The following LRRC4B variants were observed in gnomAD, a reference collection of about 807,000 sequenced individuals.
The protein encoded by LRRC4B is leucine-rich repeat-containing protein 4B.
LRRC4B carries 1 observed loss-of-function variant against 7.3 expected under a neutral mutation model. The observed-to-expected ratio is 0.14, with a 90% CI of 0.05 to 0.65. The LOEUF is 0.65. Ranked by LOEUF, LRRC4B falls within the 30% of genes least tolerant of loss-of-function variation. The pLI, the probability that LRRC4B is intolerant of heterozygous loss-of-function variation, is 0.84. For synonymous variants in LRRC4B, 500 were observed against 499.2 expected, an observed-to-expected ratio of 1.00 and a Z score of -0.02; for missense variants, 730 against 1,041.6, an observed-to-expected ratio of 0.70 and a Z score of 4.12.
At chr19:50,523,400 G>A (rs796563535) in intron 2 of LRRC4B, among the ~76,000 whole-genome samples, 10 of 152,246 alleles carry the variant, frequency 6.6e-5, no homozygotes, top group African/African-American at 2.2e-4. Context: ...AAAAGAGGCC[G>A]GGCGTGGTGG....
At chr19:50,535,704 C>T (rs1277830207) in intron 2 of LRRC4B, among the ~76,000 whole-genome samples, 2 of 152,166 alleles carry the variant, frequency 1.3e-5, no homozygotes, top group Non-Finnish European at 2.9e-5. Context: ...CTGCAGGGGC[C>T]GTTGTGGGCC....
Position 50,548,738 on chromosome 19 carries a change from A to G in LRRC4B, c.101T>C (p.Leu34Pro). The G allele has an allele frequency of 6.5e-7, 1 of 1,539,426 alleles. No homozygotes were observed. Among genetic ancestry groups the G allele is most frequent in the Non-Finnish European group, 8.7e-7 (1 of 1,146,646 alleles). ...GGCCACTCCACCTCCACCGGCCCCC[A>G]GGGGTGGGGAGAAGAGCCAGAGGAA... ...LLFLWLFSPPLGAGGGGVAVT... is the reference protein window; with the variant it reads ...LLFLWLFSPPPGAGGGGVAVT... The change falls in exon 2 of 3, where the codon CTG becomes CCG. Residue 34 changes from leucine to proline, a missense_variant. Leu to Pro is a moderately conservative substitution (Grantham distance 98, BLOSUM62 -3). Around this residue, in one of 6 missense-constraint regions of LRRC4B, gnomAD observed 143 missense variants for 158.4 expected, o/e 0.90. Transcript: ENST00000652263. This position sits in a 1 kb window ranked among gnomAD's most constrained non-coding sequence, Gnocchi z 6.8.
At chr19:50,564,043 C>T (rs1475347528) in intron 1 of LRRC4B, among the ~76,000 whole-genome samples, 2 of 151,916 alleles carry the variant, frequency 1.3e-5, no homozygotes, top group Non-Finnish European at 2.9e-5. Context: ...GGTGACAGGG[C>T]ACAAAGAGAT....
chr19:50,532,558 GTCC>G (rs1195032453), intron 2 of LRRC4B, among the ~76,000 whole-genome samples: 1 of 152,112 alleles, frequency 6.6e-6, no homozygotes, highest in African/African-American at 2.4e-5. Context: ...TTTCTATACT[GTCC>G]TCCTCCTTGT....
intron 2 of LRRC4B, among the ~76,000 whole-genome samples, chr19:50,523,830 G>A (rs1473185272): frequency 1.3e-5 from 2 of 151,462 alleles, no homozygotes; most frequent in Non-Finnish European, 2.9e-5. Flanking sequence ...ATGGTGGCAG[G>A]TGCCTGTAAT....
chr19:50,518,033 C>A lies in LRRC4B; in HGVS notation c.1680G>T (p.Val560=). The A allele has an allele frequency of 6.4e-7, 1 of 1,558,490 alleles. No individual in the cohort carries two copies. The highest frequency in any genetic ancestry group is 1.2e-5 in the South Asian group (1 of 82,754). Residue 560 remains valine (V), a synonymous_variant, in exon 3 of 3, where the codon GTG becomes GTT. Transcript: ENST00000652263. ...CCAGGTCCTTGAGGGCGTTCTCCGT[C>A]ACATCCGTGATGGGCACCGTGAACG... The part of the protein sequence containing the change: ...EKAFTVPITD[V]TENALKDLDD...
Position 50,548,299 on chromosome 19 carries a change from T to G in LRRC4B, c.297+243A>C, listed in dbSNP as rs1981897541. 6.6e-6 allele frequency among the ~76,000 whole-genome samples: 1 copy of G among 152,194 alleles called. No individual in the cohort carries two copies. Among genetic ancestry groups the G allele is most frequent in the Non-Finnish European group, 1.5e-5 (1 of 68,018 alleles). ...TGCCGGGGGGGCTGGGCAGGTGGCC[T>G]GCACTTGGGCCCCGACACGGTGGCT... On this transcript the variant is annotated intron_variant, in intron 2 of 2. Coordinates refer to ENST00000652263, the MANE Select transcript of LRRC4B (RefSeq NM_001080457.2). The surrounding 1 kb of genome is among the most constrained non-coding windows in gnomAD (Gnocchi z 6.8).
chr19:50,535,058 C>CG (rs1981211345), intron 2 of LRRC4B, among the ~76,000 whole-genome samples: 3 of 151,818 alleles, frequency 2.0e-5, no homozygotes, highest in Non-Finnish European at 1.5e-5. Flanking sequence ...TTAGTAGAGA[C>CG]AGGGTTTCAC....
At chr19:50,529,777 G>C (rs1980968268) in intron 2 of LRRC4B, among the ~76,000 whole-genome samples, 1 of 152,164 alleles carries the variant, frequency 6.6e-6, no homozygotes, top group Non-Finnish European at 1.5e-5. Flanking sequence ...TCCAGCCTGG[G>C]CAACAGAGTG....
At chr19:50,566,830 AAGGTCATAGAAGGATGT>A (rs1486013212) in intron 1 of LRRC4B, among the ~76,000 whole-genome samples, 1 of 150,196 alleles carries the variant, frequency 6.7e-6, no homozygotes, top group East Asian at 2.0e-4. Context: ...TGGGTGATGA[AAGGTCATAGAAGGATGT>A]TTCAGAGAGT....
At chr19:50,554,445 C>T (rs1031453356) in intron 1 of LRRC4B, among the ~76,000 whole-genome samples, 2 of 152,140 alleles carry the variant, frequency 1.3e-5, no homozygotes, top group Admixed American at 6.5e-5. Flanking sequence ...AGCGCAGCTC[C>T]GTGCACCCAG....
intron 2 of LRRC4B, among the ~76,000 whole-genome samples, chr19:50,529,320 A>G (rs1980951544): frequency 6.6e-6 from 1 of 152,080 alleles, no homozygotes; most frequent in Admixed American, 6.6e-5. Flanking sequence ...GTTTTCCCAA[A>G]CATAATACAC....
intron 2 of LRRC4B, among the ~76,000 whole-genome samples, chr19:50,521,385 C>G (rs1409864446): frequency 6.6e-6 from 1 of 152,114 alleles, no homozygotes; most frequent in East Asian, 1.9e-4. Context: ...CCAAACTACA[C>G]TTAAAATGAG....
intron 2 of LRRC4B, among the ~76,000 whole-genome samples, chr19:50,538,516 AC>A (rs1204471873): frequency 6.7e-6 from 1 of 148,980 alleles, no homozygotes; most frequent in Non-Finnish European, 1.5e-5. Flanking sequence ...TTGATAATGC[AC>A]TATGGCCGGG....
At chr19:50,521,358 GCGA>G (rs540503953) in intron 2 of LRRC4B, among the ~76,000 whole-genome samples, 127 of 152,222 alleles carry the variant, frequency 8.3e-4, no homozygotes, top group African/African-American at 2.8e-3. Context: ...ATGACGGAAA[GCGA>G]CTGTTAGGAC....
chr19:50,551,809 C>T (rs1202987737), intron 1 of LRRC4B, among the ~76,000 whole-genome samples: 1 of 151,690 alleles, frequency 6.6e-6, no homozygotes, highest in Non-Finnish European at 1.5e-5. Flanking sequence ...TCCGCGATTA[C>T]AATTTCTAGT....
chr19:50,554,670 T>C (rs1439172511), intron 1 of LRRC4B, among the ~76,000 whole-genome samples: 2 of 152,210 alleles, frequency 1.3e-5, no homozygotes, highest in Non-Finnish European at 2.9e-5. Context: ...GGTGGTAACG[T>C]CCAACACACA....
At position 50,519,666 on chromosome 19, in the gene LRRC4B, C is replaced by A. The variant is rs192798528; in HGVS notation, c.298-251G>T. 1.3e-5 allele frequency among the ~76,000 whole-genome samples: 2 copies of A among 152,176 alleles called. No individual in the cohort carries two copies. Among genetic ancestry groups the A allele is most frequent in the African/African-American group, 4.8e-5 (2 of 41,506 alleles). ...CCGAGGCAGGTGGATCACTTGAGGT[C>A]AGGAGTTTGAGACCAGCCTGGACAA... On this transcript the variant is annotated intron_variant, in intron 2 of 2. Coordinates refer to ENST00000652263, the MANE Select transcript of LRRC4B (RefSeq NM_001080457.2). The surrounding 1 kb of genome is among the most constrained non-coding windows in gnomAD (Gnocchi z 8.1).
intron 2 of LRRC4B, among the ~76,000 whole-genome samples, chr19:50,544,318 A>G (rs1238212549): frequency 1.3e-5 from 2 of 151,844 alleles, no homozygotes; most frequent in Non-Finnish European, 2.9e-5. Flanking sequence ...CATCCTGGCT[A>G]ACACAGTGAA....
Sources: allele counts gnomAD v4.1 joint callset (sites outside exome capture counted in the v4.1 genomes callset), GRCh38; gene constraint gnomAD v4.1.1; regional missense constraint gnomAD v4.1.1; non-coding constraint Gnocchi (gnomAD v3.1); transcripts MANE v1.5; gene names NCBI Gene and HGNC (gene_info 2026-07-23, HGNC 2026-07-21).